SGCZ: variants seen among roughly 807,000 people sequenced by gnomAD.
SGCZ encodes sarcoglycan zeta, also known as zeta-sarcoglycan.
In SGCZ, 40 loss-of-function variants were observed where a neutral mutation model predicts 41.3. The ratio of observed to expected loss-of-function variants is 0.97; its 90% CI spans 0.75 to 1.26. The LOEUF (loss-of-function observed/expected upper bound fraction) is 1.26. SGCZ is among the 50% of genes most tolerant of loss of function. SGCZ has a pLI of 0.00. For synonymous variants in SGCZ, 206 were observed against 137.5 expected, an observed-to-expected ratio of 1.50 and a Z score of -3.49; for missense variants, 552 against 369.8, an observed-to-expected ratio of 1.49 and a Z score of -4.04.
At chr8:14,634,014 A>G (rs938367427) in intron 1 of SGCZ, among the ~76,000 whole-genome samples, 2 of 151,870 alleles carry the variant, frequency 1.3e-5, no homozygotes, top group Admixed American at 1.3e-4. Context: ...ATTCTAATAC[A>G]TTTTCCAGAA....
At chr8:14,572,665 G>C (rs1207888955) in intron 1 of SGCZ, among the ~76,000 whole-genome samples, 1 of 152,090 alleles carries the variant, frequency 6.6e-6, no homozygotes, top group Non-Finnish European at 1.5e-5. Context: ...CATGAGCAAA[G>C]TACCACGCCT....
intron 2 of SGCZ, among the ~76,000 whole-genome samples, chr8:14,341,982 G>C (rs1433116719): frequency 3.3e-5 from 5 of 152,180 alleles, no homozygotes; most frequent in Non-Finnish European, 7.3e-5. Context: ...TTGTTGAAAA[G>C]ATACCCTAAA....
At chr8:14,180,616 G>C (rs1464244479) in intron 4 of SGCZ, among the ~76,000 whole-genome samples, 4 of 152,030 alleles carry the variant, frequency 2.6e-5, no homozygotes, top group African/African-American at 9.7e-5. Flanking sequence ...TGCTCTTTAA[G>C]GCCCTGGACT....
intron 1 of SGCZ, among the ~76,000 whole-genome samples, chr8:15,093,750 G>A (rs962330701): frequency 3.3e-5 from 5 of 152,080 alleles, no homozygotes; most frequent in Admixed American, 6.6e-5. Context: ...ACGATTTGAC[G>A]AGTTCAGCAC....
intron 2 of SGCZ, among the ~76,000 whole-genome samples, chr8:14,458,323 T>C (rs751923793): frequency 2.6e-5 from 4 of 152,176 alleles, no homozygotes; most frequent in Non-Finnish European, 4.4e-5. Context: ...GAAGCAGTAC[T>C]TTTTACTGGA....
chr8:14,160,115 A>C (rs565871565), intron 5 of SGCZ, among the ~76,000 whole-genome samples: 1 of 152,330 alleles, frequency 6.6e-6, no homozygotes, highest in East Asian at 1.9e-4. Flanking sequence ...CTGTCTAAAA[A>C]AAAGCAGATA....
intron 1 of SGCZ, among the ~76,000 whole-genome samples, chr8:14,981,343 G>T (rs1801656317): frequency 6.6e-6 from 1 of 152,138 alleles, no homozygotes; most frequent in Non-Finnish European, 1.5e-5. Flanking sequence ...CCTGTGTTAA[G>T]ATGCTACCTA....
chr8:14,341,129 A>T (rs1308590719), intron 2 of SGCZ, among the ~76,000 whole-genome samples: 1 of 152,208 alleles, frequency 6.6e-6, no homozygotes, highest in Non-Finnish European at 1.5e-5. Context: ...GCTGCTAAAT[A>T]ATATTATGCT....
chr8:14,129,786 G>A (rs1239815258), intron 5 of SGCZ, among the ~76,000 whole-genome samples: 2 of 151,398 alleles, frequency 1.3e-5, no homozygotes, highest in African/African-American at 4.9e-5. Flanking sequence ...GACAAAAAAG[G>A]TTAACAGCCA....
chr8:14,949,197 A>C (rs901095083), intron 1 of SGCZ, among the ~76,000 whole-genome samples: 1 of 152,154 alleles, frequency 6.6e-6, no homozygotes, highest in Admixed American at 6.6e-5. Flanking sequence ...GTGTTTTCAC[A>C]TTTCTCTTTA....
chr8:14,710,288 T>C (rs1466161908), intron 1 of SGCZ, among the ~76,000 whole-genome samples: 2 of 143,378 alleles, frequency 1.4e-5, no homozygotes, highest in African/African-American at 5.2e-5. Flanking sequence ...GGGAATGGAG[T>C]GAACCCGGCA....
At chr8:14,142,145 C>T (rs1379254757) in intron 5 of SGCZ, among the ~76,000 whole-genome samples, 1 of 152,046 alleles carries the variant, frequency 6.6e-6, no homozygotes, top group African/African-American at 2.4e-5. Flanking sequence ...GGGTGGGGAA[C>T]ATCACACACC....
At chr8:14,220,232 G>C (rs1806145048) in intron 4 of SGCZ, among the ~76,000 whole-genome samples, 1 of 152,128 alleles carries the variant, frequency 6.6e-6, no homozygotes, top group Non-Finnish European at 1.5e-5. Context: ...GAGTAGAATG[G>C]ATAAATTGTA....
intron 1 of SGCZ, among the ~76,000 whole-genome samples, chr8:15,104,149 C>G (rs1049663152): frequency 6.6e-6 from 1 of 152,110 alleles, no homozygotes. Context: ...TGGATGTGCC[C>G]CCAACTTATC....
intron 1 of SGCZ, among the ~76,000 whole-genome samples, chr8:14,580,520 G>C (rs1448140601): frequency 6.6e-6 from 1 of 152,060 alleles, no homozygotes; most frequent in Non-Finnish European, 1.5e-5. Context: ...GATAGTGTTA[G>C]TATAAATATA....
At chr8:14,689,327 A>G (rs949133548) in intron 1 of SGCZ, among the ~76,000 whole-genome samples, 1 of 152,170 alleles carries the variant, frequency 6.6e-6, no homozygotes, top group Non-Finnish European at 1.5e-5. Context: ...TAATTAATGA[A>G]ATAATTTTAT....
At chr8:14,482,054 G>A (rs1261310948) in intron 2 of SGCZ, among the ~76,000 whole-genome samples, 2 of 152,108 alleles carry the variant, frequency 1.3e-5, no homozygotes, top group East Asian at 3.9e-4. Context: ...TATTGCAGGA[G>A]GACTAAGCGA....
chr8:14,464,518 T>C (rs1215510765), intron 2 of SGCZ, among the ~76,000 whole-genome samples: 1 of 151,006 alleles, frequency 6.6e-6, no homozygotes, highest in African/African-American at 2.4e-5. Flanking sequence ...ATCTAGCTGT[T>C]TGCCAGTTGT....
chr8:14,642,334 C>A (rs1227407285), intron 1 of SGCZ, among the ~76,000 whole-genome samples: 1 of 151,442 alleles, frequency 6.6e-6, no homozygotes, highest in Non-Finnish European at 1.5e-5. Flanking sequence ...AGAACTATAC[C>A]ATCTCCTTGT....
Sources: gnomAD v4.1 joint callset for allele counts (sites outside exome capture counted in the v4.1 genomes callset) on GRCh38, gnomAD v4.1.1 for gene constraint, MANE v1.5 for transcripts, NCBI Gene and HGNC (gene_info 2026-07-23, HGNC 2026-07-21) for gene names.